Variants in RAPH1 observed in about 807,000 individuals in gnomAD.
The protein encoded by RAPH1 is Ras association (RalGDS/AF-6) and pleckstrin homology domains 1.
In RAPH1, 18 loss-of-function variants were observed where a neutral mutation model predicts 88.1. The observed-to-expected ratio is 0.20, with a 90% confidence interval of 0.14 to 0.30. The LOEUF (loss-of-function observed/expected upper bound fraction) is 0.30. Ranked by LOEUF, RAPH1 falls within the 10% of genes least tolerant of loss-of-function variation. The pLI, the probability that RAPH1 is intolerant of heterozygous loss-of-function variation, is 1.00. For synonymous variants in RAPH1, 587 were observed against 559.0 expected (o/e 1.05, Z -0.71); for missense variants, 1,448 against 1,543.2 (o/e 0.94, Z 1.03).
Position 203,441,046 on chromosome 2 carries a change from G to A in RAPH1, c.2144C>T (p.Pro715Leu). The A allele has an allele frequency of 6.7e-7, 1 of 1,499,404 alleles. No individual in the cohort carries two copies. The highest frequency in any genetic ancestry group is 1.2e-5 in the South Asian group (1 of 83,470). 92.9% of individuals were successfully genotyped at this position (1,499,404 alleles called of 1,614,324 possible). A position where few individuals can be genotyped will look rare whatever the true frequency, so the allele number is the denominator to read the frequency against. ...PNGVVPPPPPPPPPPTPGSAM... is the reference protein window; with the variant it reads ...PNGVVPPPPPLPPPPTPGSAM... ...AGAGCCTGGGGTTGGGGGTGGAGGAGGGGGAGGGGGTGGTGGAACAACTCC... is the reference window on the plus strand; with the variant it reads ...AGAGCCTGGGGTTGGGGGTGGAGGAAGGGGAGGGGGTGGTGGAACAACTCC... Residue 715 changes from proline (P) to leucine (L), a missense_variant, in exon 14 of 14, where the codon CCT becomes CTT. Transcript: ENST00000319170.
intron 4 of RAPH1, among the ~76,000 whole-genome samples, chr2:203,479,236 T>C (rs1367249558): frequency 1.3e-5 from 2 of 152,208 alleles, no homozygotes; most frequent in Non-Finnish European, 2.9e-5. Flanking sequence ...CTTTAAAAAA[T>C]CTATTCTTTC....
At chr2:203,456,406 ACTAT>A (rs2098519628) in intron 8 of RAPH1, among the ~76,000 whole-genome samples, 1 of 152,244 alleles carries the variant, frequency 6.6e-6, no homozygotes, top group African/African-American at 2.4e-5. Context: ...GAATTTAAAA[ACTAT>A]CCATTTATGT....
chr2:203,483,954 T>C (rs1370123501), intron 4 of RAPH1, among the ~76,000 whole-genome samples: 5 of 152,110 alleles, frequency 3.3e-5, no homozygotes, highest in Non-Finnish European at 5.9e-5. Context: ...CTTTTTGACT[T>C]GGACTAAGTC....
intron 2 of RAPH1, 102 bp downstream of exon 2, chr2:203,495,132 A>C: frequency 7.8e-7 from 1 of 1,289,900 alleles, no homozygotes; most frequent in Non-Finnish European, 1.1e-6. Flanking sequence ...CTTTCTGGCA[A>C]TACTTTAAAA....
Position 203,505,849 on chromosome 2 carries a change from G to A in RAPH1, c.1-10496C>T, listed in dbSNP as rs545720035. On this transcript the variant is annotated intron_variant, in intron 1 of 13. Transcript: ENST00000319170. Reference sequence around the variant, plus strand: ...TTACTATACACACACGCGCGCGCACGCACACACACACACGGCTGCTCCACA... The same window carrying A: ...TTACTATACACACACGCGCGCGCACACACACACACACACGGCTGCTCCACA... 5.3e-4 allele frequency among the ~76,000 whole-genome samples: 81 copies of A among 151,612 alleles called. 1 individual carries two copies. In the East Asian group the frequency reaches 7.3e-3, roughly 14 times the overall value.
chr2:203,495,132 A>G (rs1298728705), intron 2 of RAPH1, 102 bp downstream of exon 2: 2 of 1,289,782 alleles, frequency 1.6e-6, no homozygotes, highest in African/African-American at 1.5e-5. Context: ...CTTTCTGGCA[A>G]TACTTTAAAA....
rs573064921 is a variant in RAPH1 at position 203,529,282 on chromosome 2, T to C, written c.-1+5829A>G. Among the ~76,000 whole-genome samples, 4 of 151,604 alleles carry C rather than the reference T, an allele frequency of 2.6e-5. 1 individual carries two copies. Among genetic ancestry groups the C allele is most frequent in the Admixed American group, 2.6e-4 (4 of 15,222 alleles). ...AGCCACCGCACCTGGCCTGCTCTAC[T>C]GATTTAACCTAATACTTTTCTTCAC... is the stretch of plus-strand genomic sequence containing the variant. On this transcript the variant is annotated intron_variant, in intron 1 of 13. Coordinates refer to ENST00000319170, the MANE Select transcript of RAPH1 (RefSeq NM_213589.3).
At chr2:203,522,570 T>A (rs1426538803) in intron 1 of RAPH1, among the ~76,000 whole-genome samples, 1 of 152,044 alleles carries the variant, frequency 6.6e-6, no homozygotes, top group Non-Finnish European at 1.5e-5. Context: ...TATTCTAAAA[T>A]TTATATGGAA....
chr2:203,478,517 T>C (rs539668148), intron 4 of RAPH1, among the ~76,000 whole-genome samples: 8 of 151,800 alleles, frequency 5.3e-5, no homozygotes, highest in Non-Finnish European at 1.0e-4. Context: ...TGAGATGGAG[T>C]CTCACTCTGT....
At position 203,460,024 on chromosome 2, in the gene RAPH1, T is replaced by C. The variant is rs1378739812; in HGVS notation, c.975A>G (p.Arg325=). 1 of 1,603,582 alleles carries C rather than the reference T, an allele frequency of 6.2e-7. No individual in the cohort carries two copies. The highest frequency in any genetic ancestry group is 8.5e-7 in the Non-Finnish European group (1 of 1,175,144). Reference sequence around the variant, plus strand: ...CCAAGTTTTCATGGTCTTCAAAGATTCTCTCTGTCCCAAAATAAAATATCC... The same window carrying C: ...CCAAGTTTTCATGGTCTTCAAAGATCCTCTCTGTCCCAAAATAAAATATCC... ...VETVSELQME[R]IFEDHENLVE... The change falls in exon 7 of 14, where the codon AGA becomes AGG. Residue 325 remains arginine, a synonymous_variant. Coordinates refer to ENST00000319170, the MANE Select transcript of RAPH1 (RefSeq NM_213589.3).
In RAPH1 at chr2:203,439,753, G is replaced by A; in HGVS notation, c.3437C>T (p.Thr1146Ile). ...AEISEQPTMA[T>I]VVPQVPTSPK... ...AGAGGTGGGCACTTGTGGCACAACT[G>A]TGGCCATTGTTGGCTGCTCAGAAAT... The change falls in exon 14 of 14, where the codon ACA becomes ATA. Residue 1146 changes from threonine (T) to isoleucine (I), a missense_variant. Transcript: ENST00000319170. The A allele has an allele frequency of 6.2e-7, 1 of 1,614,144 alleles. No homozygotes were observed. The highest frequency in any genetic ancestry group is 1.1e-5 in the South Asian group (1 of 91,082).
chr2:203,489,482 T>C (rs1191743913), intron 4 of RAPH1, 102 bp downstream of exon 4: 2 of 897,938 alleles, frequency 2.2e-6, no homozygotes, highest in Non-Finnish European at 3.1e-6. Context: ...TTTGACAAAT[T>C]ATAAATGTAG....
chr2:203,496,377 A>C (rs1245126014), intron 1 of RAPH1, among the ~76,000 whole-genome samples: 1 of 151,984 alleles, frequency 6.6e-6, no homozygotes, highest in East Asian at 1.9e-4. Flanking sequence ...AATAAATAAA[A>C]TAGTGTGATA....
At chr2:203,464,299 T>A (rs2098526697) in intron 4 of RAPH1, among the ~76,000 whole-genome samples, 1 of 152,118 alleles carries the variant, frequency 6.6e-6, no homozygotes, top group African/African-American at 2.4e-5. Context: ...GATGATGGAG[T>A]CTTGCTCTGT....
chr2:203,468,426 C>G (rs1369385205), intron 4 of RAPH1, among the ~76,000 whole-genome samples: 2 of 152,136 alleles, frequency 1.3e-5, no homozygotes, highest in Non-Finnish European at 2.9e-5. Context: ...CCTTAAGCCC[C>G]AGGCTGGTTT....
At position 203,489,920 on chromosome 2, in the gene RAPH1, G is replaced by A. The variant is rs1369244797; in HGVS notation, c.396C>T (p.Thr132=). The A allele has an allele frequency of 6.2e-7, 1 of 1,614,078 alleles. No individual in the cohort carries two copies. The highest frequency in any genetic ancestry group is 8.5e-7 in the Non-Finnish European group (1 of 1,180,042). Reference sequence around the variant, plus strand: ...TAGATGAAGAAGATAATCCTTTCAAGGTGCCATGTTTCAATGTATGTCGGC... The same window carrying A: ...TAGATGAAGAAGATAATCCTTTCAAAGTGCCATGTTTCAATGTATGTCGGC... ...PVSRHTLKHG[T]LKGLSSSSNR... Residue 132 remains threonine, a synonymous_variant, in exon 4 of 14, where the codon ACC becomes ACT. Transcript: ENST00000319170.
Position 203,436,158 on chromosome 2 carries a change from T to C in RAPH1, c.*3279A>G, listed in dbSNP as rs1292448930. 3 of 152,208 alleles carry C rather than the reference T, an allele frequency of 2.0e-5. No homozygotes were observed. The highest frequency in any genetic ancestry group is 4.4e-5 in the Non-Finnish European group (3 of 68,036). The allele number at this position is 152,208 out of a possible 1,614,324, so 9.4% of individuals were successfully genotyped here. A position where few individuals can be genotyped will look rare whatever the true frequency, so the allele number is the denominator to read the frequency against. ...GGGGACCCAAGACAGTTCACCAAGATAGTTCACAGCCCTTTGCAGGATATG... is the reference window on the plus strand; with the variant it reads ...GGGGACCCAAGACAGTTCACCAAGACAGTTCACAGCCCTTTGCAGGATATG... On this transcript the variant is annotated 3_prime_UTR_variant, in exon 14 of 14. Coordinates refer to ENST00000319170, the MANE Select transcript of RAPH1 (RefSeq NM_213589.3).
At chr2:203,515,079 A>G (rs1581396363) in intron 1 of RAPH1, among the ~76,000 whole-genome samples, 1 of 151,998 alleles carries the variant, frequency 6.6e-6, no homozygotes, top group African/African-American at 2.4e-5. Flanking sequence ...GGGGTACAAT[A>G]CTCCAGTTTT....
intron 1 of RAPH1, among the ~76,000 whole-genome samples, chr2:203,513,708 G>A (rs1054647400): frequency 2.0e-5 from 3 of 148,800 alleles, no homozygotes; most frequent in Non-Finnish European, 4.5e-5. Flanking sequence ...GGTGGCAGGC[G>A]CCTATAATAC....
Sources: gnomAD v4.1 joint callset for allele counts (sites outside exome capture counted in the v4.1 genomes callset) on GRCh38, gnomAD v4.1.1 for gene constraint, MANE v1.5 for transcripts, NCBI Gene and HGNC (gene_info 2026-07-23, HGNC 2026-07-21) for gene names.